Variants in PARP1 observed in about 807,000 individuals in gnomAD.
PARP1 encodes the protein poly(ADP-ribose) polymerase 1, also known as poly [ADP-ribose] polymerase 1.
PARP1 carries 44 observed loss-of-function variants against 118.7 expected under a neutral mutation model. The observed-to-expected ratio is 0.37, with a 90% CI of 0.29 to 0.48. PARP1 has a LOEUF of 0.48. PARP1 is among the 20% of genes least tolerant of loss of function. The pLI is 0.99. For missense variants in PARP1, 1,100 were observed against 1,272.4 expected (o/e 0.86, Z 2.06); for synonymous variants, 492 against 483.2 (o/e 1.02, Z -0.24).
At chr1:226,392,965 C>T in intron 2 of PARP1, 1 of 1,570,706 alleles carries the variant, frequency 6.4e-7, no homozygotes, top group Non-Finnish European at 8.6e-7. Flanking sequence ...TTCTATTCCA[C>T]ATGGTATTGG....
intron 17 of PARP1, chr1:226,367,104 T>G: frequency 3.3e-6 from 1 of 305,794 alleles, no homozygotes. Context: ...CGGTAATAAG[T>G]CTTCTAAAAG....
In PARP1 at chr1:226,367,022, G is replaced by C. The variant is rs1384254864; in HGVS notation, c.2406+458C>G. 4 of 271,732 alleles carry C rather than the reference G, an allele frequency of 1.5e-5. No homozygotes were observed. The East Asian group carries it at 2.9e-4, about 19-fold the overall frequency. The allele number at this position is 271,732 out of a possible 1,614,324, so 16.8% of individuals were successfully genotyped here. ...GCCAACACAGTCCACTTCAGCACCA[G>C]AGAAAAATGAACGCAAGCATTGTGT... On this transcript the variant is annotated intron_variant, in intron 17 of 22. Transcript: ENST00000366794.
At position 226,360,704 on chromosome 1, in the gene PARP1, T is replaced by G. The variant is rs965575719; in HGVS notation, c.*756A>C. ...GCAATACACAAATAGAGAAGGCATC[T>G]GCATTTTTAATCGAGTATTACTATT... On this transcript the variant is annotated 3_prime_UTR_variant, in exon 23 of 23. Coordinates refer to ENST00000366794, the MANE Select transcript of PARP1 (RefSeq NM_001618.4). The G allele has an allele frequency of 1.8e-5, 4 of 221,738 alleles. No homozygotes were observed. Among genetic ancestry groups the G allele is most frequent in the Non-Finnish European group, 3.6e-5 (4 of 110,878 alleles). 13.7% of individuals were successfully genotyped at this position (221,738 alleles called of 1,614,324 possible). A position where few individuals can be genotyped will look rare whatever the true frequency, so the allele number is the denominator to read the frequency against.
At chr1:226,393,439 T>C (rs997088327) in intron 2 of PARP1, among the ~76,000 whole-genome samples, 4 of 152,184 alleles carry the variant, frequency 2.6e-5, no homozygotes, top group Non-Finnish European at 4.4e-5. Context: ...GCAGCTGTAT[T>C]TGTAATAGCC....
At chr1:226,396,263 C>T (rs1053456605) in intron 2 of PARP1, among the ~76,000 whole-genome samples, 4 of 151,968 alleles carry the variant, frequency 2.6e-5, no homozygotes, top group Admixed American at 2.0e-4. Context: ...GAAGAATCGC[C>T]TGAACCCGGG....
rs1558245540 is a variant in PARP1 at position 226,407,870 on chromosome 1, A to C, written c.60T>G (p.Ser20=). ...GGATGCTCTCGCTGCATTTCTTGCA[A>C]GAGGCGCGCCCGCTCTTGGCGTACT... ...RVEYAKSGRA[S]CKKCSESIPK... The change falls in exon 1 of 23, where the codon TCT becomes TCG. Residue 20 remains serine, a synonymous_variant. Transcript: ENST00000366794. 6.2e-7 allele frequency: 1 copy of C among 1,610,548 alleles called. No individual in the cohort carries two copies. Among genetic ancestry groups the C allele is most frequent in the Non-Finnish European group, 8.5e-7 (1 of 1,178,432 alleles).
At chr1:226,385,799 T>G in intron 6 of PARP1, 119 bp from the exon 7 acceptor site, 1 of 936,264 alleles carries the variant, frequency 1.1e-6, no homozygotes. Flanking sequence ...GAGAGGCTTC[T>G]TGCTGTGGGC....
chr1:226,366,270 G>T, intron 17 of PARP1: 1 of 546,776 alleles, frequency 1.8e-6, no homozygotes, highest in Non-Finnish European at 3.3e-6. Context: ...TGGGCTGCTA[G>T]AGAATCTCAG....
At position 226,364,949 on chromosome 1, in the gene PARP1, G is replaced by C; in HGVS notation, c.2658+53C>G. Reference sequence around the variant, plus strand: ...GACCTCTTGCTCAAAGTTCTTTATGGAGACACCTGCAGAGACAGGCATTGC... The same window carrying C: ...GACCTCTTGCTCAAAGTTCTTTATGCAGACACCTGCAGAGACAGGCATTGC... On this transcript the variant is annotated intron_variant, in intron 19 of 22. Coordinates refer to ENST00000366794, the MANE Select transcript of PARP1 (RefSeq NM_001618.4). 6 of 1,603,162 alleles carry C rather than the reference G, an allele frequency of 3.7e-6. No individual in the cohort carries two copies. The South Asian group carries it at 5.5e-5, about 15-fold the overall frequency.
At chr1:226,402,091 G>A (rs766296470) in intron 2 of PARP1, 123 bp downstream of exon 2, 43 of 1,587,320 alleles carry the variant, frequency 2.7e-5, no homozygotes, top group African/African-American at 9.4e-5. Flanking sequence ...GGCACCATAC[G>A]CTTGATCTGC....
intron 14 of PARP1, among the ~76,000 whole-genome samples, chr1:226,372,498 C>T (rs1664406965): frequency 6.6e-6 from 1 of 152,002 alleles, no homozygotes; most frequent in African/African-American, 2.4e-5. Flanking sequence ...ATGGTGAAAC[C>T]CCATCTCTAC....
chr1:226,382,194 A>G (rs1029603060), intron 8 of PARP1, among the ~76,000 whole-genome samples: 1 of 152,226 alleles, frequency 6.6e-6, no homozygotes, highest in Admixed American at 6.5e-5. Context: ...ACCTTCACCA[A>G]TAGACTATGC....
intron 1 of PARP1, 58 bp from the exon 2 acceptor site, chr1:226,402,437 AC>A: frequency 3.2e-6 from 5 of 1,541,900 alleles, no homozygotes; most frequent in Non-Finnish European, 4.4e-6. Context: ...ACTTAGACCC[AC>A]TAGACCTTGA....
At chr1:226,400,222 C>A (rs1665005468) in intron 2 of PARP1, among the ~76,000 whole-genome samples, 2 of 152,060 alleles carry the variant, frequency 1.3e-5, no homozygotes. Flanking sequence ...TCGCCTGAAC[C>A]CGGGAGGCGG....
At position 226,390,419 on chromosome 1, in the gene PARP1, T is replaced by C. The variant is rs1425564889; in HGVS notation, c.608A>G (p.Lys203Arg). The C allele has an allele frequency of 1.2e-6, 2 of 1,613,664 alleles. No individual in the cohort carries two copies. Among genetic ancestry groups the C allele is most frequent in the Admixed American group, 3.3e-5 (2 of 60,018 alleles). ...GCAGTGCTCCACCCACCCTTCACTC[T>C]TGACTCCTGGGAGCTGCTTCTTCAG... Reference protein sequence around the residue: ...EALKKQLPGVKSEGKRKGDEV... With the variant: ...EALKKQLPGVRSEGKRKGDEV... Residue 203 changes from lysine (K) to arginine (R), a missense_variant, in exon 4 of 23, where the codon AAG (lysine) becomes AGG (arginine). Physicochemically the swap from Lys to Arg is conservative, Grantham distance 26. This residue lies in a region of PARP1 where 948 missense variants were observed against 1,031.8 expected (regional missense o/e 0.92). Coordinates refer to ENST00000366794, the MANE Select transcript of PARP1 (RefSeq NM_001618.4).
chr1:226,379,445 G>C (rs1351019875), intron 11 of PARP1, 128 bp downstream of exon 11: 3 of 1,132,182 alleles, frequency 2.6e-6, no homozygotes, highest in African/African-American at 1.5e-5. Context: ...GGTGAAGGAG[G>C]CCTGAGTGAG....
chr1:226,385,816 T>C, intron 6 of PARP1, 136 bp from the exon 7 acceptor site: 1 of 815,422 alleles, frequency 1.2e-6, no homozygotes, highest in East Asian at 2.6e-5. Flanking sequence ...GGGCTTGCTA[T>C]GGGGCTCTTA....
intron 1 of PARP1, among the ~76,000 whole-genome samples, chr1:226,403,002 C>T (rs757473667): frequency 6.6e-6 from 1 of 152,238 alleles, no homozygotes; most frequent in Non-Finnish European, 1.5e-5. Context: ...GCAACTGTGA[C>T]AGCGGATGGT....
intron 13 of PARP1, 145 bp downstream of exon 13, chr1:226,376,963 G>T (rs1454014000): frequency 2.7e-5 from 21 of 791,838 alleles, no homozygotes; most frequent in Non-Finnish European, 4.3e-5. Context: ...TTTTGGGGGA[G>T]AATTTGTGAA....
Sources: gnomAD v4.1 joint callset for allele counts (sites outside exome capture counted in the v4.1 genomes callset) on GRCh38, gnomAD v4.1.1 for gene constraint, gnomAD v4.1.1 regional missense constraint, MANE v1.5 for transcripts, NCBI Gene and HGNC (gene_info 2026-07-23, HGNC 2026-07-21) for gene names.